The following BPTF variants were observed in gnomAD, a reference collection of about 807,000 sequenced individuals.
BPTF encodes bromodomain PHD finger transcription factor, also known as nucleosome-remodeling factor subunit BPTF.
BPTF carries 18 observed loss-of-function variants against 292.5 expected under a neutral mutation model. The observed-to-expected ratio is 0.06, with a 90% CI of 0.04 to 0.09. The LOEUF is 0.09. Ranked by LOEUF, BPTF falls within the 10% of genes least tolerant of loss-of-function variation. The pLI is 1.00. For missense variants in BPTF, 2,726 were observed against 3,498.7 expected, an observed-to-expected ratio of 0.78 and a Z score of 5.57; for synonymous variants, 1,225 against 1,251.9, an observed-to-expected ratio of 0.98 and a Z score of 0.45.
intron 9 of BPTF, among the ~76,000 whole-genome samples, chr17:67,907,574 T>G (rs1210543426): frequency 6.6e-6 from 1 of 152,152 alleles, no homozygotes; most frequent in Non-Finnish European, 1.5e-5. Context: ...CAGGCTGATC[T>G]CGAACTCCTG....
At chr17:67,927,170 C>T (rs2063988151) in intron 15 of BPTF, among the ~76,000 whole-genome samples, 1 of 152,160 alleles carries the variant, frequency 6.6e-6, no homozygotes, top group African/African-American at 2.4e-5. Context: ...CCCAACATCA[C>T]CCTTAACTAG....
chr17:67,875,716 G>A, intron 4 of BPTF: 1 of 1,601,712 alleles, frequency 6.2e-7, no homozygotes, highest in Non-Finnish European at 8.5e-7. Context: ...AGAAGAAGGT[G>A]GCATCTGAGC....
chr17:67,973,039 A>T (rs964289492), intron 26 of BPTF, among the ~76,000 whole-genome samples: 26 of 143,792 alleles, frequency 1.8e-4, no homozygotes, highest in East Asian at 4.0e-4. Flanking sequence ...ATATATATTT[A>T]TATATATATA....
At chr17:67,826,871 G>T (rs2056605341) in intron 1 of BPTF, among the ~76,000 whole-genome samples, 1 of 152,150 alleles carries the variant, frequency 6.6e-6, no homozygotes, top group South Asian at 2.1e-4. Context: ...CACACCCCTA[G>T]CTGTGGTTTT....
At chr17:67,883,185 G>A (rs2060537133) in intron 4 of BPTF, among the ~76,000 whole-genome samples, 1 of 151,730 alleles carries the variant, frequency 6.6e-6, no homozygotes, top group African/African-American at 2.4e-5. Flanking sequence ...GCGTGATGAT[G>A]GGCGCCTGTA....
intron 24 of BPTF, among the ~76,000 whole-genome samples, chr17:67,962,104 C>T (rs1326593854): frequency 2.6e-5 from 4 of 151,494 alleles, no homozygotes; most frequent in African/African-American, 9.7e-5. Flanking sequence ...GATCCTGCCC[C>T]TGCTCTGCAG....
intron 18 of BPTF, among the ~76,000 whole-genome samples, chr17:67,932,628 G>A (rs1598748278): frequency 6.6e-6 from 1 of 152,182 alleles, no homozygotes; most frequent in Non-Finnish European, 1.5e-5. Context: ...TTGAAACCAG[G>A]AGGCAGAGGT....
chr17:67,924,111 GC>G (rs1488425953), intron 14 of BPTF, among the ~76,000 whole-genome samples: 2 of 152,134 alleles, frequency 1.3e-5, no homozygotes, highest in Non-Finnish European at 2.9e-5. Flanking sequence ...CAGTTCTCCT[GC>G]CTCAGGCAGG....
intron 21 of BPTF, among the ~76,000 whole-genome samples, chr17:67,946,960 T>C (rs143716685): frequency 4.5e-4 from 69 of 152,348 alleles, no homozygotes; most frequent in Non-Finnish European, 5.9e-4. Flanking sequence ...CTTGCTTCGC[T>C]CAGCACTAGG....
At chr17:67,828,559 G>A (rs2056336585) in intron 1 of BPTF, among the ~76,000 whole-genome samples, 1 of 152,022 alleles carries the variant, frequency 6.6e-6, no homozygotes. Flanking sequence ...AAGGAGTTTT[G>A]CTCTTGCTGC....
At chr17:67,930,462 G>A (rs1368673285) in intron 17 of BPTF, among the ~76,000 whole-genome samples, 1 of 151,910 alleles carries the variant, frequency 6.6e-6, no homozygotes, top group Non-Finnish European at 1.5e-5. Flanking sequence ...GCCTCCCAAA[G>A]TGCTGGGATT....
chr17:67,925,168 G>T (rs1401512854), intron 15 of BPTF, among the ~76,000 whole-genome samples: 3 of 151,570 alleles, frequency 2.0e-5, no homozygotes, highest in East Asian at 1.9e-4. Flanking sequence ...ATATTTGGAG[G>T]ACATCTGAAA....
At chr17:67,934,855 AG>A (rs1473951576) in intron 18 of BPTF, among the ~76,000 whole-genome samples, 1 of 112,256 alleles carries the variant, frequency 8.9e-6, no homozygotes, top group South Asian at 3.1e-4. Context: ...CTGAGCAATG[AG>A]CGAAACTCTG....
At chr17:67,834,358 T>G (rs1189994105) in intron 1 of BPTF, among the ~76,000 whole-genome samples, 5 of 152,374 alleles carry the variant, frequency 3.3e-5, no homozygotes, top group African/African-American at 1.2e-4. Flanking sequence ...TAAGTGAATG[T>G]TCCATATGTA....
intron 18 of BPTF, chr17:67,936,559 A>G (rs559420657): frequency 2.0e-5 from 3 of 152,154 alleles, no homozygotes; most frequent in Non-Finnish European, 2.9e-5. Flanking sequence ...GTAGTTTCCA[A>G]ACCACTCTCT....
intron 12 of BPTF, 95 bp from the exon 13 acceptor site, chr17:67,919,920 T>C: frequency 8.1e-7 from 1 of 1,238,200 alleles, no homozygotes; most frequent in Non-Finnish European, 1.1e-6. Flanking sequence ...AAAAGTTTAT[T>C]CCACGTGTGT....
intron 18 of BPTF, among the ~76,000 whole-genome samples, chr17:67,934,913 C>T (rs1290214304): frequency 7.3e-6 from 1 of 136,336 alleles, no homozygotes; most frequent in African/African-American, 2.8e-5. Flanking sequence ...TTCTAAGTAA[C>T]TTTTAAGTTA....
chr17:67,866,043 C>T (rs2059373889), intron 2 of BPTF, among the ~76,000 whole-genome samples: 1 of 152,116 alleles, frequency 6.6e-6, no homozygotes, highest in Non-Finnish European at 1.5e-5. Flanking sequence ...ATTGCTTGAG[C>T]CTAGGAGTCT....
chr17:67,953,989 T>C (rs1392069827), intron 23 of BPTF, among the ~76,000 whole-genome samples: 5 of 22,060 alleles, frequency 2.3e-4, no homozygotes, highest in East Asian at 2.3e-3. Context: ...TTTTTTTTTT[T>C]TTTTTTTTTT....
Sources: gnomAD v4.1 joint callset for allele counts (sites outside exome capture counted in the v4.1 genomes callset) on GRCh38, gnomAD v4.1.1 for gene constraint, MANE v1.5 for transcripts, NCBI Gene and HGNC (gene_info 2026-07-23, HGNC 2026-07-21) for gene names.